CLCN7: variants seen among roughly 807,000 people sequenced by gnomAD.
CLCN7 encodes Cl-/H+ antiporter 7.
CLCN7 carries 60 observed loss-of-function variants against 102.1 expected under a neutral mutation model. That is an observed-to-expected ratio of 0.59 (90% confidence interval 0.48 to 0.73). The LOEUF (loss-of-function observed/expected upper bound fraction) is 0.73, where lower values mean the gene tolerates loss of function less well. CLCN7 is among the 30% of genes least tolerant of loss of function. The probability of loss-of-function intolerance (pLI) is 0.00; values close to 1 mark genes in which losing one functional copy is unlikely to be tolerated. For synonymous variants in CLCN7, 560 were observed against 490.5 expected (o/e 1.14, Z -1.87); for missense variants, 962 against 1,125.7 (o/e 0.85, Z 2.08).
Position 1,460,463 on chromosome 16 carries a change from G to A in CLCN7, c.549C>T (p.Asn183=), listed in dbSNP as rs201848720. The part of the protein sequence containing the change: ...SFSLLLWATL[N]AAFVLVGSVI... ...CAGAGCCCACGAGCACGAAGGCGGC[G>A]TTCAGCGTGGCCCACAGCAACAGGG... The change falls in exon 6 of 25, where the codon AAC becomes AAT. Residue 183 remains asparagine, a synonymous_variant. Coordinates refer to ENST00000382745, the MANE Select transcript of CLCN7 (RefSeq NM_001287.6). 6.6e-5 allele frequency: 107 copies of A among 1,613,822 alleles called. No individual in the cohort carries two copies. In the East Asian group the frequency reaches 6.7e-4, roughly 10 times the overall value.
At chr16:1,473,838 C>A (rs1180083829) in intron 1 of CLCN7, among the ~76,000 whole-genome samples, 1 of 151,970 alleles carries the variant, frequency 6.6e-6, no homozygotes, top group African/African-American at 2.4e-5. Flanking sequence ...AATCCCAGCA[C>A]TTTGGGAGGC....
At chr16:1,471,612 G>A (rs532966407) in intron 1 of CLCN7, 1 of 152,318 alleles carries the variant, frequency 6.6e-6, no homozygotes, top group South Asian at 2.1e-4. Flanking sequence ...AACACGACCG[G>A]GCACGACTCA....
chr16:1,453,055 T>A (rs903403706), intron 14 of CLCN7, among the ~76,000 whole-genome samples, 162 bp from the exon 15 acceptor site: 3 of 152,216 alleles, frequency 2.0e-5, no homozygotes, highest in Admixed American at 2.0e-4. Context: ...TTGCCCAGGC[T>A]GGAGTGCAGT....
At chr16:1,461,350 G>C in intron 4 of CLCN7, 55 bp downstream of exon 4, 1 of 1,479,810 alleles carries the variant, frequency 6.8e-7, no homozygotes, top group Non-Finnish European at 9.2e-7. Flanking sequence ...CCCCAGGCCC[G>C]GCCGGCACCA....
rs1168339879 is a variant in CLCN7 at position 1,445,362 on chromosome 16, C to T, written c.*1269G>A. ...GCGGGCTGAGAGGATTTCTTTATTT[C>T]GCGTTCAGACCCAACACACTCGGAC... On this transcript the variant is annotated 3_prime_UTR_variant, in exon 25 of 25. Transcript: ENST00000382745. 1 of 152,320 alleles carries T rather than the reference C, an allele frequency of 6.6e-6. No individual in the cohort carries two copies. The highest frequency in any genetic ancestry group is 1.5e-5 in the Non-Finnish European group (1 of 68,092). 9.4% of individuals were successfully genotyped at this position (152,320 alleles called of 1,614,324 possible). A position where few individuals can be genotyped will look rare whatever the true frequency, so the allele number is the denominator to read the frequency against.
chr16:1,462,900 G>A (rs2038959123), intron 2 of CLCN7, among the ~76,000 whole-genome samples: 1 of 151,952 alleles, frequency 6.6e-6, no homozygotes, highest in Non-Finnish European at 1.5e-5. Flanking sequence ...ATGGCTGACA[G>A]CTATAATCCC....
In CLCN7 at chr16:1,448,421, G is replaced by T. The variant is rs547786206; in HGVS notation, c.1947C>A (p.Asp649Glu). The change falls in exon 21 of 25, where the codon GAC becomes GAA. Residue 649 changes from aspartate to glutamate, a missense_variant. Asp to Glu is a conservative substitution (Grantham distance 45). Transcript: ENST00000382745. ...GATTGGACGCCGTGTCGCTCAGCAC[G>T]TCCACAATGACGCCGACCTTCTCAC... is the stretch of plus-strand genomic sequence containing the variant. ...RRREKVGVIV[D>E]VLSDTASNHN... 1.9e-5 allele frequency: 30 copies of T among 1,612,450 alleles called. No homozygotes were observed. Among genetic ancestry groups the T allele is most frequent in the Non-Finnish European group, 2.5e-5 (30 of 1,179,968 alleles).
chr16:1,469,037 A>C (rs1596230208), intron 1 of CLCN7, among the ~76,000 whole-genome samples: 1 of 144,582 alleles, frequency 6.9e-6, no homozygotes, highest in Non-Finnish European at 1.5e-5. Flanking sequence ...CTTAAAAAAA[A>C]CGAAAAAAAA....
At chr16:1,456,503 C>T (rs2038837639) in intron 9 of CLCN7, among the ~76,000 whole-genome samples, 1 of 152,198 alleles carries the variant, frequency 6.6e-6, no homozygotes, top group South Asian at 2.1e-4. Context: ...GGATGGAAAC[C>T]CAGCCTTGCT....
At chr16:1,455,480 C>A (rs2038821199) in intron 11 of CLCN7, 2 of 648,058 alleles carry the variant, frequency 3.1e-6, no homozygotes, top group Admixed American at 4.5e-5. Flanking sequence ...GAAGGTGGGG[C>A]AGGGCTGGGT....
At chr16:1,446,909 G>A (rs1043896231) in intron 24 of CLCN7, 97 bp downstream of exon 24, 16 of 1,251,680 alleles carry the variant, frequency 1.3e-5, no homozygotes, top group Non-Finnish European at 1.8e-5. Flanking sequence ...TGGGTCCTGT[G>A]CTTCCGTGTC....
At chr16:1,460,710 C>A in intron 5 of CLCN7, 106 bp downstream of exon 5, 1 of 1,553,656 alleles carries the variant, frequency 6.4e-7, no homozygotes, top group Non-Finnish European at 8.8e-7. Context: ...CCTGGCCGGG[C>A]CGCCTCCACC....
intron 16 of CLCN7, 115 bp from the exon 17 acceptor site, chr16:1,450,781 A>G: frequency 1.1e-6 from 1 of 899,864 alleles, no homozygotes. Flanking sequence ...CAGCAACCTG[A>G]GCTCCCGAGC....
At chr16:1,473,283 C>T (rs2039102467) in intron 1 of CLCN7, among the ~76,000 whole-genome samples, 1 of 151,328 alleles carries the variant, frequency 6.6e-6, no homozygotes, top group Non-Finnish European at 1.5e-5. Context: ...AGACTATGAC[C>T]TTCTTTGTCT....
chr16:1,450,952 C>T (rs1384174489), intron 16 of CLCN7, among the ~76,000 whole-genome samples: 1 of 152,184 alleles, frequency 6.6e-6, no homozygotes, highest in African/African-American at 2.4e-5. Context: ...GGTCTAGCAG[C>T]GCCAGGTCTA....
Position 1,457,180 on chromosome 16 carries a change from GC to G in CLCN7, c.822+73del. The G allele has an allele frequency of 7.4e-7, 1 of 1,354,938 alleles. No homozygotes were observed. The highest frequency in any genetic ancestry group is 1.1e-6 in the Non-Finnish European group (1 of 944,708). 83.9% of individuals were successfully genotyped at this position (1,354,938 alleles called of 1,614,324 possible). A position where few individuals can be genotyped will look rare whatever the true frequency, so the allele number is the denominator to read the frequency against. ...TCTCGGCCTGGGGGTGCTGAGGGAA[GC>G]CCATCTCCCTGAGTGGTGCCCGTGC... On this transcript the variant is annotated intron_variant, in intron 9 of 24. Transcript: ENST00000382745. The surrounding 1 kb of genome is among the most constrained non-coding windows in gnomAD (Gnocchi z 5.4).
intron 2 of CLCN7, among the ~76,000 whole-genome samples, chr16:1,462,365 CTTTTTTTTTTTTTTT>C (rs59931924): frequency 5.0e-5 from 4 of 80,562 alleles, no homozygotes; most frequent in South Asian, 5.2e-4. Flanking sequence ...CCTCATCTGT[CTTTTTTTTTTTTTTT>C]TTTTTTTTTT....
chr16:1,461,803 C>A (rs371114919), intron 2 of CLCN7, 129 bp from the exon 3 acceptor site: 4 of 825,004 alleles, frequency 4.8e-6, no homozygotes, highest in African/African-American at 3.3e-5. Flanking sequence ...GAGAACTGCA[C>A]ATGGGGCGCG....
At chr16:1,474,246 A>G in intron 1 of CLCN7, 2 of 455,576 alleles carry the variant, frequency 4.4e-6, no homozygotes, top group South Asian at 3.1e-5. Flanking sequence ...CACATTGCAA[A>G]TTCAACTCGG....
Sources: allele counts gnomAD v4.1 joint callset (sites outside exome capture counted in the v4.1 genomes callset), GRCh38; gene constraint gnomAD v4.1.1; non-coding constraint Gnocchi (gnomAD v3.1); transcripts MANE v1.5; gene names NCBI Gene and HGNC (gene_info 2026-07-23, HGNC 2026-07-21).